Variants in IL17RC observed in about 807,000 individuals in gnomAD.
IL17RC encodes the protein interleukin-17 receptor C.
In IL17RC, 53 loss-of-function variants were observed where a neutral mutation model predicts 86.7. The observed-to-expected ratio is 0.61, with a 90% confidence interval of 0.49 to 0.77. The LOEUF (loss-of-function observed/expected upper bound fraction) is 0.77. Ranked by LOEUF, IL17RC falls within the 30% of genes least tolerant of loss-of-function variation. IL17RC has a pLI of 0.00. For synonymous variants in IL17RC, 439 were observed against 413.1 expected, an observed-to-expected ratio of 1.06 and a Z score of -0.76; for missense variants, 957 against 940.0, an observed-to-expected ratio of 1.02 and a Z score of -0.24.
intron 5 of IL17RC, 97 bp downstream of exon 5, chr3:9,918,706 T>C: frequency 2.4e-6 from 2 of 844,478 alleles, no homozygotes; most frequent in East Asian, 2.6e-5. Flanking sequence ...ATTAAATTTA[T>C]TGAAACCCTT....
intron 9 of IL17RC, among the ~76,000 whole-genome samples, chr3:9,926,863 G>A (rs556119166): frequency 5.9e-5 from 9 of 152,006 alleles, no homozygotes; most frequent in South Asian, 2.1e-4. Context: ...CTCGTGATCC[G>A]CCCACCTTGG....
At chr3:9,920,713 G>T (rs895345995) in intron 6 of IL17RC, 111 bp downstream of exon 6, 1 of 826,114 alleles carries the variant, frequency 1.2e-6, no homozygotes, top group Non-Finnish European at 2.0e-6. Context: ...GGTCTGAGCT[G>T]CTATCCTCCC....
chr3:9,924,240 G>A lies in IL17RC; in HGVS notation c.771G>A (p.Pro257=), dbSNP rs749984687. 9.3e-6 allele frequency: 15 copies of A among 1,613,954 alleles called. No homozygotes were observed. The highest frequency in any genetic ancestry group is 2.2e-5 in the East Asian group (1 of 44,880). Residue 257 remains proline (P), a synonymous_variant, in exon 9 of 19, where the codon CCG becomes CCA. Transcript: ENST00000403601. ...KPRWHKNLTG[P]QIITLNHTDL... ...CTTTATTTGTTCCACAGACTGGACCGCAGATCATTACCTTGAACCACACAG... is the reference window on the plus strand; with the variant it reads ...CTTTATTTGTTCCACAGACTGGACCACAGATCATTACCTTGAACCACACAG...
rs1271378933 is a variant in IL17RC, at chr3:9,930,429, A to G, written c.1308A>G (p.Leu436=). ...TRAARLGEYL[L]QDLQSGQCLQ... is the part of the protein sequence containing the mutation. ...CAGCTCGCCTTGGAGAGTACTTACT[A>G]CAAGACCTGCAGTCAGGCCAGTGTC... is the stretch of plus-strand genomic sequence containing the variant. The change falls in exon 15 of 19, where the codon CTA becomes CTG. Residue 436 remains leucine (L), a synonymous_variant. Transcript: ENST00000403601. The surrounding 1 kb of genome is among the most constrained non-coding windows in gnomAD (Gnocchi z 5.8). The G allele has an allele frequency of 1.9e-6, 3 of 1,614,082 alleles. No homozygotes were observed. Among genetic ancestry groups the G allele is most frequent in the East Asian group, 2.2e-5 (1 of 44,884 alleles).
intron 16 of IL17RC, among the ~76,000 whole-genome samples, chr3:9,931,990 T>A (rs1253203974): frequency 6.6e-6 from 1 of 152,116 alleles, no homozygotes; most frequent in Non-Finnish European, 1.5e-5. Context: ...ATTTTAGCAC[T>A]TAAGATGCTC....
At chr3:9,920,070 T>C (rs1206809884) in intron 5 of IL17RC, among the ~76,000 whole-genome samples, 1 of 152,106 alleles carries the variant, frequency 6.6e-6, no homozygotes, top group Non-Finnish European at 1.5e-5. Flanking sequence ...ATATCCTATC[T>C]GGAGAATTGT....
At position 9,930,342 on chromosome 3, in the gene IL17RC, G is replaced by A. The variant is rs2084538882; in HGVS notation, c.1279-58G>A. 3 of 1,593,680 alleles carry A rather than the reference G, an allele frequency of 1.9e-6. No homozygotes were observed. The South Asian group carries it at 3.3e-5, about 18-fold the overall frequency. On this transcript the variant is annotated intron_variant, in intron 14 of 18. Coordinates refer to ENST00000403601, the MANE Select transcript of IL17RC (RefSeq NM_153460.4). The surrounding 1 kb of genome is among the most constrained non-coding windows in gnomAD (Gnocchi z 5.8). ...ATTCTACCCAGCTGTAGCCTGGTAG[G>A]TGCTGCCCTAAGGGTGCTACCTCCA...
intron 12 of IL17RC, chr3:9,929,542 A>G (rs2084454138): frequency 2.4e-6 from 1 of 416,650 alleles, no homozygotes; most frequent in Non-Finnish European, 4.4e-6. Flanking sequence ...TGGGGTTGCA[A>G]TTTTTAGCAG....
In IL17RC at chr3:9,930,667, T is replaced by A; in HGVS notation, c.1338+208T>A. On this transcript the variant is annotated intron_variant, in intron 15 of 18. Transcript: ENST00000403601. The surrounding 1 kb of genome is among the most constrained non-coding windows in gnomAD (Gnocchi z 5.8). ...ACACCTACAGGTGCTAAGTTTTGGG[T>A]TCCAGGGAGAGCTTCCGGGAAGAAT... 1.5e-6 allele frequency: 1 copy of A among 678,580 alleles called. No homozygotes were observed. The highest frequency in any genetic ancestry group is 1.9e-5 in the South Asian group (1 of 53,318). The allele number at this position is 678,580 out of a possible 1,614,324, so 42.0% of individuals were successfully genotyped here.
rs779320468 is a variant in IL17RC at position 9,930,124 on chromosome 3, C to T, written c.1253C>T (p.Thr418Ile). 1.2e-5 allele frequency: 20 copies of T among 1,613,994 alleles called. No homozygotes were observed. The Admixed American group carries it at 3.0e-4, about 24-fold the overall frequency. ...TGTGCCTTGGAACCCAGTGGCTGTA[C>T]TTCACTACCCAGCAAAGCCTCCACG... ...SLCALEPSGC[T>I]SLPSKASTRA... is the part of the protein sequence containing the mutation. The change falls in exon 14 of 19, where the codon ACT becomes ATT. Residue 418 changes from threonine to isoleucine, a missense_variant. Physicochemically the swap from Thr to Ile is moderately conservative, Grantham distance 89. Transcript: ENST00000403601. This position sits in a 1 kb window ranked among gnomAD's most constrained non-coding sequence, Gnocchi z 5.8.
chr3:9,922,112 A>G (rs970871166), intron 7 of IL17RC, among the ~76,000 whole-genome samples: 12 of 151,446 alleles, frequency 7.9e-5, no homozygotes, highest in African/African-American at 2.9e-4. Context: ...ACCACCACGC[A>G]CAGCTAATTT....
At chr3:9,920,721 C>G (rs1575535020) in intron 6 of IL17RC, 119 bp downstream of exon 6, 4 of 804,108 alleles carry the variant, frequency 5.0e-6, no homozygotes, top group Non-Finnish European at 8.4e-6. Flanking sequence ...CTGCTATCCT[C>G]CCCAGAGTCA....
intron 9 of IL17RC, among the ~76,000 whole-genome samples, chr3:9,926,095 G>A (rs372131742): frequency 6.8e-4 from 97 of 143,242 alleles, no homozygotes; most frequent in African/African-American, 2.3e-3. Context: ...GTGCAGTGGC[G>A]TGATCTCGGC....
At position 9,920,958 on chromosome 3, in the gene IL17RC, C is replaced by G. The variant is rs369736579; in HGVS notation, c.611C>G (p.Pro204Arg). Residue 204 changes from proline to arginine, a missense_variant, in exon 7 of 19, where the codon CCG becomes CGG. Transcript: ENST00000403601. Reference protein sequence around the residue: ...CRGLEVWNSIPSCWALPWLNV... With the variant: ...CRGLEVWNSIRSCWALPWLNV... ...GGGCTCGAAGTCTGGAACAGCATCC[C>G]GAGCTGCTGGGGTAGGGGCTAGGGC... is the stretch of plus-strand genomic sequence containing the variant. 4.4e-6 allele frequency: 7 copies of G among 1,595,334 alleles called. No individual in the cohort carries two copies. The highest frequency in any genetic ancestry group is 3.4e-4 in the Middle Eastern group (2 of 5,890).
Position 9,933,198 on chromosome 3 carries a change from AGC to A in IL17RC, c.1770_1771del (p.Ser590ArgfsTer104). ...CTCTCCCGGTGCGGTGGCGCTGTGCAGCGAGTGGCTACAGGATGGGGTGTCCG... is the reference window on the plus strand; with the variant it reads ...CTCTCCCGGTGCGGTGGCGCTGTGCAGAGTGGCTACAGGATGGGGTGTCCG... ...LFSPGAVALCSEWLQDGVSGP... is the reference protein window; with the variant it reads ...LFSPGAVALCXEWLQDGVSGP... On this transcript the variant is annotated frameshift_variant, in exon 19 of 19. Transcript: ENST00000403601. LOFTEE classifies it low-confidence loss of function (END_TRUNC). 1 of 1,608,426 alleles carries A rather than the reference AGC, an allele frequency of 6.2e-7. No individual in the cohort carries two copies. Among genetic ancestry groups the A allele is most frequent in the Non-Finnish European group, 8.5e-7 (1 of 1,178,066 alleles).
In IL17RC at chr3:9,917,973, G is replaced by T; in HGVS notation, c.178G>T (p.Val60Leu). ...PGDIVPAPGPVLAPTHLQTEL... is the reference protein window; with the variant it reads ...PGDIVPAPGPLLAPTHLQTEL... Reference sequence around the variant, plus strand: ...GGACATCGTGCCTGCTCCGGGCCCCGTGCTGGCGCCTACGCACCTGCAGAC... The same window carrying T: ...GGACATCGTGCCTGCTCCGGGCCCCTTGCTGGCGCCTACGCACCTGCAGAC... The change falls in exon 3 of 19, where the codon GTG (valine) becomes TTG (leucine). Residue 60 changes from valine to leucine, a missense_variant. Coordinates refer to ENST00000403601, the MANE Select transcript of IL17RC (RefSeq NM_153460.4). 1 of 1,613,780 alleles carries T rather than the reference G, an allele frequency of 6.2e-7. No homozygotes were observed. Among genetic ancestry groups the T allele is most frequent in the Non-Finnish European group, 8.5e-7 (1 of 1,180,018 alleles).
chr3:9,932,690 G>C lies in IL17RC; in HGVS notation c.1470G>C (p.Lys490Asn). 2 of 1,614,190 alleles carry C rather than the reference G, an allele frequency of 1.2e-6. No homozygotes were observed. The highest frequency in any genetic ancestry group is 1.1e-5 in the South Asian group (1 of 91,088). The change falls in exon 17 of 19, where the codon AAG becomes AAC. Residue 490 changes from lysine to asparagine, a missense_variant. Transcript: ENST00000403601. ...AALSLILLLK[K>N]DHAKGWLRLL... is the part of the protein sequence containing the mutation. ...TTTCCCTCATCCTCCTTCTCAAAAA[G>C]GATCACGCGAAAGGTGAGCGCTTCC...
chr3:9,925,678 G>A (rs2083993637), intron 9 of IL17RC, among the ~76,000 whole-genome samples: 1 of 151,766 alleles, frequency 6.6e-6, no homozygotes, highest in African/African-American at 2.4e-5. Context: ...TACATCCAGT[G>A]GAGCTACTTA....
Position 9,932,861 on chromosome 3 carries a change from G to A in IL17RC, c.1522+3G>A. ...GAAACAGGACGTCCGCTCGGGGGGTGAGTGGGAGCAAGCGCTGGGCGGAGG... is the reference window on the plus strand; with the variant it reads ...GAAACAGGACGTCCGCTCGGGGGGTAAGTGGGAGCAAGCGCTGGGCGGAGG... On this transcript the variant is annotated splice_donor_region_variant and intron_variant, in intron 18 of 18. Transcript: ENST00000403601. The A allele has an allele frequency of 6.3e-7, 1 of 1,575,700 alleles. No individual in the cohort carries two copies. Among genetic ancestry groups the A allele is most frequent in the Non-Finnish European group, 8.6e-7 (1 of 1,165,148 alleles).
Sources: allele counts gnomAD v4.1 joint callset (sites outside exome capture counted in the v4.1 genomes callset), GRCh38; gene constraint gnomAD v4.1.1; non-coding constraint Gnocchi (gnomAD v3.1); transcripts MANE v1.5; gene names NCBI Gene and HGNC (gene_info 2026-07-23, HGNC 2026-07-21).